The following MDGA2 variants were observed in gnomAD, a reference collection of about 807,000 sequenced individuals.
The protein encoded by MDGA2 is MAM domain containing glycosylphosphatidylinositol anchor 2, also known as MAM domain-containing glycosylphosphatidylinositol anchor protein 2.
Under a neutral mutation model 117.8 loss-of-function variants are expected in MDGA2, and 40 were observed. That is an observed-to-expected ratio of 0.34 (90% confidence interval 0.26 to 0.44). MDGA2 has a LOEUF of 0.44. Among genes scored for constraint, MDGA2 ranks in the 20% least tolerant of loss-of-function variants. MDGA2 has a pLI of 1.00. For missense variants in MDGA2, 1,123 were observed against 1,250.6 expected (o/e 0.90, Z 1.54); for synonymous variants, 452 against 439.0 (o/e 1.03, Z -0.37).
intron 1 of MDGA2, among the ~76,000 whole-genome samples, chr14:47,589,073 T>G (rs1896387701): frequency 6.6e-6 from 1 of 151,950 alleles, no homozygotes; most frequent in African/African-American, 2.4e-5. Context: ...TCAAGGATTA[T>G]CTCCCCATGT....
At chr14:47,544,242 C>A (rs1895412243) in intron 1 of MDGA2, among the ~76,000 whole-genome samples, 1 of 152,030 alleles carries the variant, frequency 6.6e-6, no homozygotes, top group African/African-American at 2.4e-5. Flanking sequence ...CGTGTGTAAG[C>A]TCCCTGATTT....
chr14:47,045,092 A>G (rs1244124633), intron 7 of MDGA2, among the ~76,000 whole-genome samples: 1 of 152,184 alleles, frequency 6.6e-6, no homozygotes, highest in Admixed American at 6.6e-5. Context: ...AATAGAATAC[A>G]AAGTGTAAGA....
At chr14:47,145,392 C>T (rs1229288036) in intron 3 of MDGA2, among the ~76,000 whole-genome samples, 1 of 152,154 alleles carries the variant, frequency 6.6e-6, no homozygotes, top group African/African-American at 2.4e-5. Flanking sequence ...TAAATACAGA[C>T]ACTCCTCAAC....
intron 7 of MDGA2, among the ~76,000 whole-genome samples, chr14:47,056,286 C>A (rs776751389): frequency 2.0e-5 from 3 of 152,102 alleles, no homozygotes; most frequent in African/African-American, 4.8e-5. Flanking sequence ...GTGTTATCAA[C>A]AACTTTCATT....
At chr14:47,067,098 A>G (rs1890113600) in intron 6 of MDGA2, among the ~76,000 whole-genome samples, 1 of 152,206 alleles carries the variant, frequency 6.6e-6, no homozygotes, top group African/African-American at 2.4e-5. Context: ...CTGGACAACA[A>G]GAGCAAAACT....
At chr14:47,584,083 T>C (rs1896277807) in intron 1 of MDGA2, among the ~76,000 whole-genome samples, 1 of 151,890 alleles carries the variant, frequency 6.6e-6, no homozygotes, top group South Asian at 2.1e-4. Flanking sequence ...AACTTGTAAA[T>C]GTTTATTTAA....
intron 2 of MDGA2, among the ~76,000 whole-genome samples, chr14:47,251,897 T>C (rs1440629383): frequency 1.3e-5 from 2 of 152,014 alleles, no homozygotes; most frequent in Non-Finnish European, 2.9e-5. Flanking sequence ...GGGAAGTTAA[T>C]AGTATTTGAC....
chr14:47,523,080 T>A (rs1894902856), intron 1 of MDGA2, among the ~76,000 whole-genome samples: 1 of 152,216 alleles, frequency 6.6e-6, no homozygotes, highest in Admixed American at 6.5e-5. Flanking sequence ...TGTACATTTA[T>A]ATAGTTATCA....
At chr14:47,299,347 T>G (rs565237240) in intron 2 of MDGA2, 2 of 152,128 alleles carry the variant, frequency 1.3e-5, no homozygotes, top group East Asian at 3.9e-4. Flanking sequence ...AGATAAGAAG[T>G]TGCATTTTAA....
intron 2 of MDGA2, among the ~76,000 whole-genome samples, chr14:47,293,097 G>A (rs1888944780): frequency 6.6e-6 from 1 of 152,102 alleles, no homozygotes; most frequent in Admixed American, 6.5e-5. Context: ...CAGTCACCCT[G>A]AGCTTCTCAG....
intron 1 of MDGA2, among the ~76,000 whole-genome samples, chr14:47,332,475 T>C (rs919394790): frequency 3.3e-5 from 5 of 152,022 alleles, no homozygotes; most frequent in Admixed American, 1.3e-4. Flanking sequence ...AAAAAAAGAA[T>C]AGCACATGTC....
At chr14:47,455,285 C>G (rs1160250217) in intron 1 of MDGA2, among the ~76,000 whole-genome samples, 2 of 152,050 alleles carry the variant, frequency 1.3e-5, no homozygotes, top group African/African-American at 4.8e-5. Flanking sequence ...GTGGGCGGAT[C>G]GCCTGAGGTC....
intron 3 of MDGA2, among the ~76,000 whole-genome samples, chr14:47,180,537 A>G (rs1167767628): frequency 6.6e-6 from 1 of 152,186 alleles, no homozygotes; most frequent in Non-Finnish European, 1.5e-5. Context: ...AAAGTTTTCA[A>G]AAGAAGACAT....
intron 1 of MDGA2, among the ~76,000 whole-genome samples, chr14:47,305,706 G>A (rs1345868825): frequency 2.0e-5 from 3 of 152,166 alleles, no homozygotes; most frequent in African/African-American, 7.2e-5. Flanking sequence ...GGGATATGAT[G>A]ATTAATGCCA....
intron 3 of MDGA2, among the ~76,000 whole-genome samples, chr14:47,165,922 A>T (rs1164311620): frequency 6.6e-6 from 1 of 152,238 alleles, no homozygotes; most frequent in African/African-American, 2.4e-5. Context: ...CATAAATAAA[A>T]AAAGAATTAG....
chr14:47,339,267 A>G lies in MDGA2; in HGVS notation c.281-37717T>C, dbSNP rs79346453. On this transcript the variant is annotated intron_variant, in intron 1 of 16. Transcript: ENST00000399232. ...CTTTATTTAATATTAGTAATATTTT[A>G]TTTGCAATTACAAATAATACAAAAA... Among the ~76,000 whole-genome samples the G allele has an allele frequency of 9.3e-3, 1,422 of 152,284 alleles. 14 individuals are homozygous for G. The highest frequency in any genetic ancestry group is 0.031 in the Admixed American group (479 of 15,274).
intron 1 of MDGA2, among the ~76,000 whole-genome samples, chr14:47,496,762 C>T (rs1337962007): frequency 6.7e-6 from 1 of 150,078 alleles, no homozygotes; most frequent in Non-Finnish European, 1.5e-5. Flanking sequence ...GTAATCTATA[C>T]ATTTTACTAT....
intron 1 of MDGA2, among the ~76,000 whole-genome samples, chr14:47,461,091 ACT>A (rs1893473672): frequency 6.6e-6 from 1 of 152,202 alleles, no homozygotes; most frequent in African/African-American, 2.4e-5. Flanking sequence ...ATTAGTAACA[ACT>A]CTGTTTTAAG....
intron 1 of MDGA2, among the ~76,000 whole-genome samples, chr14:47,321,928 G>C (rs576336075): frequency 6.6e-6 from 1 of 152,158 alleles, no homozygotes; most frequent in East Asian, 1.9e-4. Flanking sequence ...GTCCCTTTCA[G>C]TTCTGGAGCT....
Sources: gnomAD v4.1 joint callset for allele counts (sites outside exome capture counted in the v4.1 genomes callset) on GRCh38, gnomAD v4.1.1 for gene constraint, MANE v1.5 for transcripts, NCBI Gene and HGNC (gene_info 2026-07-23, HGNC 2026-07-21) for gene names.